KMT2D: variants seen among roughly 807,000 people sequenced by gnomAD.
The protein encoded by KMT2D is lysine methyltransferase 2D, also known as histone-lysine N-methyltransferase 2D.
A neutral mutation model predicts 512.7 loss-of-function variants in KMT2D; 55 were observed. The ratio of observed to expected loss-of-function variants is 0.11; its 90% CI spans 0.09 to 0.13. The LOEUF (loss-of-function observed/expected upper bound fraction) is 0.13. Ranked by LOEUF, KMT2D falls within the 10% of genes least tolerant of loss-of-function variation. The probability of loss-of-function intolerance (pLI) is 1.00; values close to 1 mark genes in which losing one functional copy is unlikely to be tolerated. For missense variants in KMT2D, 6,061 were observed against 7,127.9 expected, an observed-to-expected ratio of 0.85 and a Z score of 5.39; for synonymous variants, 2,995 against 2,904.0, an observed-to-expected ratio of 1.03 and a Z score of -1.01.
At position 49,034,835 on chromosome 12, in the gene KMT2D, A is replaced by T. The variant is rs2120460802; in HGVS notation, c.10332T>A (p.Ile3444=). 1 of 1,613,976 alleles carries T rather than the reference A, an allele frequency of 6.2e-7. No individual in the cohort carries two copies. Among genetic ancestry groups the T allele is most frequent in the Non-Finnish European group, 8.5e-7 (1 of 1,179,874 alleles). ...ACCTGTTCATACCAGGTGCCACCCC[A>T]ATGCTGCCCTGAGCCATCACTTTCT... The part of the protein sequence containing the change: ...GIKKVMAQGS[I]GVAPGMNRQQ... Residue 3444 remains isoleucine, a synonymous_variant, in exon 36 of 55, where the codon ATT becomes ATA. Coordinates refer to ENST00000301067, the MANE Select transcript of KMT2D (RefSeq NM_003482.4).
At position 49,042,694 on chromosome 12, in the gene KMT2D, G is replaced by A. The variant is rs776720695; in HGVS notation, c.5782+47C>T. On this transcript the variant is annotated intron_variant, in intron 27 of 54. Coordinates refer to ENST00000301067, the MANE Select transcript of KMT2D (RefSeq NM_003482.4). This position sits in a 1 kb window ranked among gnomAD's most constrained non-coding sequence, Gnocchi z 4.4. ...AAAAGAGCAACTGGCCCATCCTGGA[G>A]GCAAGCTTGGTTATGTCAGTCTTCA... The A allele has an allele frequency of 3.5e-5, 56 of 1,608,966 alleles. 1 individual carries two copies. The South Asian group carries it at 4.2e-4, about 12-fold the overall frequency.
At position 49,051,263 on chromosome 12, in the gene KMT2D, G is replaced by T. The variant is rs757089451; in HGVS notation, c.2420C>A (p.Ser807Tyr). ...LSPQPEELHL[S>Y]PQTEEPHLSP... ...CAGGTGCGGCTCCTCAGTCTGGGGG[G>T]ACAGGTGCAATTCCTCAGGCTGAGG... Residue 807 changes from serine (S) to tyrosine (Y), a missense_variant, in exon 11 of 55, where the codon TCC (serine) becomes TAC (tyrosine). Ser to Tyr is a moderately radical substitution (Grantham distance 144). Transcript: ENST00000301067. 16 of 1,540,460 alleles carry T rather than the reference G, an allele frequency of 1.0e-5. No homozygotes were observed. Among genetic ancestry groups the T allele is most frequent in the Admixed American group, 6.0e-5 (3 of 49,782 alleles).
At position 49,024,232 on chromosome 12, in the gene KMT2D, C is replaced by CT. The variant is rs1384295511; in HGVS notation, c.16052+345dup. 1.7e-5 allele frequency: 7 copies of CT among 400,250 alleles called. No homozygotes were observed. The highest frequency in any genetic ancestry group is 3.3e-5 in the Non-Finnish European group (7 of 214,366). The allele number at this position is 400,250 out of a possible 1,614,324, so 24.8% of individuals were successfully genotyped here. A position where few individuals can be genotyped will look rare whatever the true frequency, so the allele number is the denominator to read the frequency against. ...GGTGACCCTAGCACCCATGGGGTAT[C>CT]TGAGGTTTGGGAGAATCACAGGCCC... On this transcript the variant is annotated intron_variant, in intron 51 of 54. Transcript: ENST00000301067. The surrounding 1 kb of genome is among the most constrained non-coding windows in gnomAD (Gnocchi z 4.5).
At chr12:49,052,812 C>A in intron 9 of KMT2D, 103 bp from the exon 10 acceptor site, 1 of 1,585,444 alleles carries the variant, frequency 6.3e-7, no homozygotes, top group Non-Finnish European at 8.6e-7. Flanking sequence ...GCACTGCCCA[C>A]CTTAGGGCTC....
chr12:49,052,740 G>A (rs1162359346), intron 9 of KMT2D, 31 bp from the exon 10 acceptor site: 1 of 1,607,304 alleles, frequency 6.2e-7, no homozygotes, highest in East Asian at 2.2e-5. Context: ...CAGGCACTGT[G>A]GCTCTCACCA....
Position 49,037,792 on chromosome 12 carries a change from C to T in KMT2D, c.9564G>A (p.Thr3188=), listed in dbSNP as rs1438467632. The stretch of plus-strand genomic sequence containing the variant: ...TCAGCAGGTGAGCTGGTGGTCCTCC[C>T]GTGGCCCCAAAGGAGGCCTTCTCAG... ...HTAEKASFGA[T]GGPPAHLLTP... is the part of the protein sequence containing the mutation. Residue 3188 remains threonine, a synonymous_variant, in exon 35 of 55, where the codon ACG becomes ACA. Coordinates refer to ENST00000301067, the MANE Select transcript of KMT2D (RefSeq NM_003482.4). 4.4e-6 allele frequency: 7 copies of T among 1,596,460 alleles called. No individual in the cohort carries two copies. Among genetic ancestry groups the T allele is most frequent in the South Asian group, 1.1e-5 (1 of 88,238 alleles).
At chr12:49,029,512 G>T (rs536083029) in intron 43 of KMT2D, 36 bp from the exon 44 acceptor site, 13 of 1,487,520 alleles carry the variant, frequency 8.7e-6, no homozygotes, top group Non-Finnish European at 1.2e-5. Flanking sequence ...AGTCAGGTGA[G>T]GGTGGCCAGG....
At position 49,046,090 on chromosome 12, in the gene KMT2D, G is replaced by A. The variant is rs2120600055; in HGVS notation, c.4668C>T (p.Cys1556=). 6.2e-7 allele frequency: 1 copy of A among 1,611,370 alleles called. No homozygotes were observed. The highest frequency in any genetic ancestry group is 8.5e-7 in the Non-Finnish European group (1 of 1,178,636). The change falls in exon 18 of 55, where the codon TGC becomes TGT. Residue 1556 remains cysteine, a synonymous_variant. Coordinates refer to ENST00000301067, the MANE Select transcript of KMT2D (RefSeq NM_003482.4). The surrounding 1 kb of genome is among the most constrained non-coding windows in gnomAD (Gnocchi z 4.2). ...AADEGFDCVS[C]QPYVVKPVAP... is the part of the protein sequence containing the mutation. ...CCACAGGCTTTACCACGTAGGGCTG[G>A]CAGGAGACACAGTCAAAGCCTTCAT...
rs1233359169 is a variant in KMT2D at position 49,032,457 on chromosome 12, T to C, written c.12248A>G (p.Gln4083Arg). 1 of 1,568,444 alleles carries C rather than the reference T, an allele frequency of 6.4e-7. No individual in the cohort carries two copies. Among genetic ancestry groups the C allele is most frequent in the Non-Finnish European group, 8.6e-7 (1 of 1,156,326 alleles). Residue 4083 changes from glutamine to arginine, a missense_variant, in exon 40 of 55, where the codon CAG becomes CGG. Physicochemically the swap from Gln to Arg is conservative, Grantham distance 43. This residue lies in a region of KMT2D where 1,600 missense variants were observed against 1,754.9 expected (regional missense o/e 0.91). Coordinates refer to ENST00000301067, the MANE Select transcript of KMT2D (RefSeq NM_003482.4). ...SQLLLVQPQP[Q>R]PQPSSLQLQP... ...CAGCTGCAGAGAGCTGGGCTGAGGCTGGGGCTGGGGTTGGACAAGCAGGAG... is the reference window on the plus strand; with the variant it reads ...CAGCTGCAGAGAGCTGGGCTGAGGCCGGGGCTGGGGTTGGACAAGCAGGAG...
rs1466604150 is a variant in KMT2D, at chr12:49,043,941, T to A, written c.5246A>T (p.Asp1749Val). Residue 1749 changes from aspartate to valine, a missense_variant, in exon 23 of 55, where the codon GAT (aspartate) becomes GTT (valine). Around this residue, in one of 16 missense-constraint regions of KMT2D, gnomAD observed 640 missense variants for 814.3 expected, o/e 0.79. Transcript: ENST00000301067. ...TCGCCGCTGTTGCTTCTTCTTCTCA[T>A]CCCCTTCAGCTAAGCTCTGCTCCAC... ...GAVEQSLAEG[D>V]EKKKQQRRGR... 6.2e-7 allele frequency: 1 copy of A among 1,614,020 alleles called. No homozygotes were observed. The highest frequency in any genetic ancestry group is 1.6e-4 in the Middle Eastern group (1 of 6,062).
intron 23 of KMT2D, 24 bp downstream of exon 23, chr12:49,043,844 C>T (rs768031147): frequency 6.2e-7 from 1 of 1,613,958 alleles, no homozygotes; most frequent in African/African-American, 1.3e-5. Flanking sequence ...ACACCTCCCT[C>T]ACTGCTTGGA....
rs1411525611 is a variant in KMT2D, at chr12:49,034,441, G to C, written c.10476C>G (p.Pro3492=). 6.2e-7 allele frequency: 1 copy of C among 1,613,716 alleles called. No homozygotes were observed. Among genetic ancestry groups the C allele is most frequent in the African/African-American group, 1.3e-5 (1 of 74,890 alleles). ...CTCCCTGAGCAAAAGTGGGCGGGTT[G>C]GGACGAGGCTGGGAGGGATCACCAG... ...RSAGDPSQPR[P]NPPTFAQGVI... Residue 3492 remains proline (P), a synonymous_variant, in exon 38 of 55, where the codon CCC becomes CCG. Coordinates refer to ENST00000301067, the MANE Select transcript of KMT2D (RefSeq NM_003482.4).
chr12:49,027,643 C>T (rs1028168086), intron 48 of KMT2D, among the ~76,000 whole-genome samples, 160 bp downstream of exon 48: 3 of 151,944 alleles, frequency 2.0e-5, no homozygotes, highest in African/African-American at 4.8e-5. Flanking sequence ...TTAGTAGAGA[C>T]GGGGTTTCGC....
At chr12:49,053,351 C>T (rs776020689) in intron 7 of KMT2D, 30 bp from the exon 8 acceptor site, 2 of 1,571,306 alleles carry the variant, frequency 1.3e-6, no homozygotes, top group Non-Finnish European at 8.8e-7. Context: ...ATTACAGTGT[C>T]CTCTCTGCCC....
chr12:49,052,993 A>G lies in KMT2D; in HGVS notation c.1034T>C (p.Leu345Pro). Residue 345 changes from leucine (L) to proline (P), a missense_variant, in exon 9 of 55, where the codon CTC (leucine) becomes CCC (proline). This residue lies in a region of KMT2D where 848 missense variants were observed against 838.5 expected (regional missense o/e 1.01). Coordinates refer to ENST00000301067, the MANE Select transcript of KMT2D (RefSeq NM_003482.4). Reference protein sequence around the residue: ...PNSEWFENYSLCHRCHKAQGG... With the variant: ...PNSEWFENYSPCHRCHKAQGG... ...CTGGGCTTTGTGACAGCGGTGACAGAGAGAGTAGTTCTCAAACCACTCCGA... is the reference window on the plus strand; with the variant it reads ...CTGGGCTTTGTGACAGCGGTGACAGGGAGAGTAGTTCTCAAACCACTCCGA... The G allele has an allele frequency of 1.9e-6, 3 of 1,614,048 alleles. No individual in the cohort carries two copies. The highest frequency in any genetic ancestry group is 2.5e-6 in the Non-Finnish European group (3 of 1,179,878).
chr12:49,047,812 C>T (rs1937645314), intron 15 of KMT2D, among the ~76,000 whole-genome samples, 153 bp downstream of exon 15: 1 of 152,182 alleles, frequency 6.6e-6, no homozygotes, highest in Non-Finnish European at 1.5e-5. Flanking sequence ...TTCCAAAGTA[C>T]TTTTCCCCAA....
rs2120529809 is a variant in KMT2D, at chr12:49,040,490, G to A, written c.7280C>T (p.Pro2427Leu). The change falls in exon 32 of 55, where the codon CCC becomes CTC. Residue 2427 changes from proline (P) to leucine (L), a missense_variant. By Grantham distance (98) the Pro-to-Leu change is moderately conservative. Coordinates refer to ENST00000301067, the MANE Select transcript of KMT2D (RefSeq NM_003482.4). ...SQSSSQSPLTPRPLSAEAFCP... is the reference protein window; with the variant it reads ...SQSSSQSPLTLRPLSAEAFCP... ...AAAAGCTTCAGCAGACAGAGGCCGG[G>A]GTGTCAGTGGAGACTGGGAGCTGGA... 1 of 1,578,522 alleles carries A rather than the reference G, an allele frequency of 6.3e-7. No individual in the cohort carries two copies. The highest frequency in any genetic ancestry group is 8.6e-7 in the Non-Finnish European group (1 of 1,160,414).
chr12:49,022,579 C>T lies in KMT2D; in HGVS notation c.16338+11G>A, dbSNP rs568448036. 6.2e-7 allele frequency: 1 copy of T among 1,610,392 alleles called. No homozygotes were observed. Among genetic ancestry groups the T allele is most frequent in the Admixed American group, 1.7e-5 (1 of 59,938 alleles). On this transcript the variant is annotated intron_variant, in intron 52 of 54. Transcript: ENST00000301067. This position sits in a 1 kb window ranked among gnomAD's most constrained non-coding sequence, Gnocchi z 8.6. ...ACTATGCACCACAATGGCCCCTCTG[C>T]CAGCTCATACCTGCTCTTCGTAGAT...
chr12:49,053,120 C>A, intron 8 of KMT2D, 48 bp from the exon 9 acceptor site: 2 of 1,613,370 alleles, frequency 1.2e-6, no homozygotes, highest in Non-Finnish European at 1.7e-6. Flanking sequence ...ACAGCAAAGA[C>A]TAAACGAAAG....
Sources: gnomAD v4.1 joint callset for allele counts (sites outside exome capture counted in the v4.1 genomes callset) on GRCh38, gnomAD v4.1.1 for gene constraint, gnomAD v4.1.1 regional missense constraint, Gnocchi (gnomAD v3.1) non-coding constraint, MANE v1.5 for transcripts, NCBI Gene and HGNC (gene_info 2026-07-23, HGNC 2026-07-21) for gene names.